MBD5: variants seen among roughly 807,000 people sequenced by gnomAD.
MBD5 encodes the protein methyl-CpG binding domain protein 5.
A neutral mutation model predicts 117.3 loss-of-function variants in MBD5; 13 were observed. The observed-to-expected ratio is 0.11, with a 90% CI of 0.07 to 0.18. MBD5 has a LOEUF of 0.18. MBD5 is among the 10% of genes least tolerant of loss of function. The pLI is 1.00. For synonymous variants in MBD5, 727 were observed against 766.4 expected (o/e 0.95, Z 0.85); for missense variants, 1,879 against 2,093.8 (o/e 0.90, Z 2.00).
chr2:148,317,258 A>G (rs935070446), intron 3 of MBD5, among the ~76,000 whole-genome samples: 2 of 152,012 alleles, frequency 1.3e-5, no homozygotes, highest in African/African-American at 4.8e-5. Flanking sequence ...AATCCCAGCT[A>G]CTCAGGAGGC....
chr2:148,401,009 A>T (rs1456802333), intron 4 of MBD5, among the ~76,000 whole-genome samples: 1 of 152,194 alleles, frequency 6.6e-6, no homozygotes, highest in Non-Finnish European at 1.5e-5. Flanking sequence ...TGTTTAGTCA[A>T]TAATAAATAT....
At chr2:148,078,509 G>C (rs955077550) in intron 1 of MBD5, among the ~76,000 whole-genome samples, 1 of 152,102 alleles carries the variant, frequency 6.6e-6, no homozygotes, top group African/African-American at 2.4e-5. Flanking sequence ...GTTACCATAT[G>C]TAATTCTGAG....
chr2:148,198,911 G>A (rs932706063), intron 2 of MBD5, among the ~76,000 whole-genome samples: 29 of 151,692 alleles, frequency 1.9e-4, no homozygotes, highest in Non-Finnish European at 3.2e-4. Context: ...AGAAACAGTA[G>A]GGGGGAATAT....
In MBD5 at chr2:148,468,335, C is replaced by T; in HGVS notation, c.398-6C>T. 1 of 1,612,356 alleles carries T rather than the reference C, an allele frequency of 6.2e-7. No individual in the cohort carries two copies. The highest frequency in any genetic ancestry group is 8.5e-7 in the Non-Finnish European group (1 of 1,178,760). On this transcript the variant is annotated splice_region_variant and splice_polypyrimidine_tract_variant and intron_variant, in intron 7 of 13. Transcript: ENST00000642680. ...AACAGAATTCTTTTTTTCTCTTTCA[C>T]ATCAGATGCAACTCCAGTAGTACCT...
chr2:148,379,965 G>A (rs575478077), intron 4 of MBD5, among the ~76,000 whole-genome samples: 1 of 152,266 alleles, frequency 6.6e-6, no homozygotes, highest in Admixed American at 6.5e-5. Context: ...CAAAAAGTAA[G>A]ATACTGGGAG....
intron 3 of MBD5, among the ~76,000 whole-genome samples, chr2:148,280,131 CAAAAAA>C (rs3076398): frequency 3.3e-5 from 3 of 91,886 alleles, no homozygotes; most frequent in East Asian, 3.4e-4. Context: ...AAACTAACTG[CAAAAAA>C]AAAAAAAAAA....
At chr2:148,049,439 C>G (rs1348803735) in intron 1 of MBD5, among the ~76,000 whole-genome samples, 1 of 152,104 alleles carries the variant, frequency 6.6e-6, no homozygotes, top group African/African-American at 2.4e-5. Flanking sequence ...ATCTTTTGAA[C>G]AAGAAAGCAA....
intron 3 of MBD5, among the ~76,000 whole-genome samples, chr2:148,256,682 G>A (rs553542336): frequency 2.6e-5 from 4 of 152,206 alleles, no homozygotes; most frequent in African/African-American, 4.8e-5. Flanking sequence ...CTGCAACAGC[G>A]GTCCAAGCAG....
chr2:148,170,194 G>GT (rs1483807478), intron 1 of MBD5, among the ~76,000 whole-genome samples: 1 of 152,194 alleles, frequency 6.6e-6, no homozygotes, highest in African/African-American at 2.4e-5. Context: ...ACCGCGCCCG[G>GT]CCCGGGATTC....
At position 148,462,569 on chromosome 2, in the gene MBD5, A is replaced by C; in HGVS notation, c.114-13A>C. On this transcript the variant is annotated splice_polypyrimidine_tract_variant and intron_variant, in intron 5 of 13. Coordinates refer to ENST00000642680, the MANE Select transcript of MBD5 (RefSeq NM_001378120.1). ...AAATTATTTCCTGATGTTTTTTTAA[A>C]CTATTTTTACAGTCCCAGTGGGTCT... 1 of 1,528,330 alleles carries C rather than the reference A, an allele frequency of 6.5e-7. No individual in the cohort carries two copies. Among genetic ancestry groups the C allele is most frequent in the Non-Finnish European group, 9.1e-7 (1 of 1,103,000 alleles). The allele number at this position is 1,528,330 out of a possible 1,614,324, so 94.7% of individuals were successfully genotyped here. A position where few individuals can be genotyped will look rare whatever the true frequency, so the allele number is the denominator to read the frequency against.
At chr2:148,214,446 A>G (rs1699503423) in intron 2 of MBD5, among the ~76,000 whole-genome samples, 1 of 152,216 alleles carries the variant, frequency 6.6e-6, no homozygotes, top group Admixed American at 6.5e-5. Flanking sequence ...CAGGTAGCAG[A>G]TTGGACTTAC....
chr2:148,085,476 G>C (rs999888026), intron 1 of MBD5, among the ~76,000 whole-genome samples: 1 of 152,058 alleles, frequency 6.6e-6, no homozygotes, highest in Non-Finnish European at 1.5e-5. Context: ...TGTAATCCCA[G>C]CACTTTGGGA....
intron 1 of MBD5, among the ~76,000 whole-genome samples, chr2:148,087,583 G>A (rs1695828450): frequency 6.6e-6 from 1 of 152,170 alleles, no homozygotes; most frequent in Admixed American, 6.5e-5. Flanking sequence ...GAGTCTGGTA[G>A]CCCCATTCAG....
intron 2 of MBD5, among the ~76,000 whole-genome samples, chr2:148,194,755 TATA>T (rs1558966899): frequency 5.9e-5 from 1 of 16,954 alleles, no homozygotes; most frequent in African/African-American, 1.4e-4. Flanking sequence ...AAACTTAGAG[TATA>T]ATAAGAAAAA....
At chr2:148,174,101 ATGAACACATCCCCAG>A (rs1698326417) in intron 1 of MBD5, among the ~76,000 whole-genome samples, 3 of 152,292 alleles carry the variant, frequency 2.0e-5, no homozygotes, top group African/African-American at 7.2e-5. Context: ...TAAAATAAAA[ATGAACACATCCCCAG>A]TGGACTGGAA....
intron 1 of MBD5, among the ~76,000 whole-genome samples, chr2:148,024,774 A>G (rs1332240507): frequency 6.6e-6 from 1 of 152,232 alleles, no homozygotes; most frequent in African/African-American, 2.4e-5. Flanking sequence ...GTGATATATT[A>G]TGAATAAGCA....
intron 1 of MBD5, chr2:148,028,695 G>A (rs1007411956): frequency 6.6e-6 from 1 of 151,974 alleles, no homozygotes; most frequent in Admixed American, 6.6e-5. Flanking sequence ...AAATAGCTTT[G>A]TTACTTGGGA....
At chr2:148,454,823 A>G (rs2105508632) in intron 4 of MBD5, among the ~76,000 whole-genome samples, 1 of 152,250 alleles carries the variant, frequency 6.6e-6, no homozygotes, top group East Asian at 1.9e-4. Flanking sequence ...AACTTTCTAA[A>G]AACAAATGAT....
At chr2:148,139,332 G>C (rs1453673449) in intron 1 of MBD5, among the ~76,000 whole-genome samples, 2 of 151,988 alleles carry the variant, frequency 1.3e-5, no homozygotes, top group Non-Finnish European at 2.9e-5. Flanking sequence ...TCAGCCTCCC[G>C]AGTAGCTGGG....
Sources: allele counts gnomAD v4.1 joint callset (sites outside exome capture counted in the v4.1 genomes callset), GRCh38; gene constraint gnomAD v4.1.1; transcripts MANE v1.5; gene names NCBI Gene and HGNC (gene_info 2026-07-23, HGNC 2026-07-21).